Variants in SYNPR observed in about 807,000 individuals in gnomAD.
The protein encoded by SYNPR is synaptoporin.
A neutral mutation model predicts 32.9 loss-of-function variants in SYNPR; 23 were observed. The observed-to-expected ratio is 0.70, with a 90% CI of 0.50 to 0.99. The LOEUF is 0.99. Ranked by LOEUF, SYNPR falls within the 50% of genes least tolerant of loss-of-function variation. The pLI is 0.00. For synonymous variants in SYNPR, 146 were observed against 135.9 expected, an observed-to-expected ratio of 1.07 and a Z score of -0.52; for missense variants, 318 against 349.3, an observed-to-expected ratio of 0.91 and a Z score of 0.71.
At chr3:63,569,828 T>A (rs557135331) in intron 4 of SYNPR, among the ~76,000 whole-genome samples, 5 of 152,290 alleles carry the variant, frequency 3.3e-5, no homozygotes, top group African/African-American at 1.2e-4. Flanking sequence ...TTTAGCATAA[T>A]GGAATTCTTT....
chr3:63,464,465 T>G (rs1212074766), intron 2 of SYNPR, among the ~76,000 whole-genome samples: 1 of 152,160 alleles, frequency 6.6e-6, no homozygotes, highest in Non-Finnish European at 1.5e-5. Context: ...GGTATTCCAC[T>G]TTTTTTCTAC....
chr3:63,371,533 T>G (rs2087812025), intron 2 of SYNPR, among the ~76,000 whole-genome samples: 1 of 152,246 alleles, frequency 6.6e-6, no homozygotes, highest in African/African-American at 2.4e-5. Flanking sequence ...CTGACTTCCC[T>G]GGGACGGAGC....
At chr3:63,224,433 A>G (rs1281254996), upstream of SYNPR, among the ~76,000 whole-genome samples, 2 of 152,232 alleles carry the variant, frequency 1.3e-5, no homozygotes, top group Admixed American at 6.5e-5. Context: ...GACCACTGTG[A>G]TAGAAGACAT....
At chr3:63,419,879 T>A (rs2088585238) in intron 2 of SYNPR, among the ~76,000 whole-genome samples, 1 of 152,230 alleles carries the variant, frequency 6.6e-6, no homozygotes, top group Admixed American at 6.5e-5. Context: ...AGTTCTATAT[T>A]CATTTTCTTT....
At chr3:63,508,879 T>C (rs962719104) in intron 3 of SYNPR, among the ~76,000 whole-genome samples, 13 of 152,262 alleles carry the variant, frequency 8.5e-5, no homozygotes, top group African/African-American at 2.9e-4. Flanking sequence ...AAATATTCAT[T>C]CACTAAGTTT....
At chr3:63,401,327 G>A (rs552837145) in intron 2 of SYNPR, among the ~76,000 whole-genome samples, 25 of 152,294 alleles carry the variant, frequency 1.6e-4, no homozygotes, top group African/African-American at 6.0e-4. Context: ...AATGCTTGAT[G>A]AGAGCCATTT....
intron 4 of SYNPR, among the ~76,000 whole-genome samples, chr3:63,602,634 T>G (rs114085007): frequency 0.021 from 3,141 of 152,284 alleles, 119 homozygotes; most frequent in African/African-American, 0.072. Context: ...TTTCACAATT[T>G]TGTCAAAGAT....
intron 4 of SYNPR, among the ~76,000 whole-genome samples, chr3:63,568,063 T>G (rs1702822856): frequency 6.6e-6 from 1 of 152,016 alleles, no homozygotes; most frequent in African/African-American, 2.4e-5. Flanking sequence ...CTGAAAAAAG[T>G]GAAATTATTA....
At chr3:63,256,660 A>G (rs2086386820) in intron 2 of SYNPR, among the ~76,000 whole-genome samples, 1 of 152,158 alleles carries the variant, frequency 6.6e-6, no homozygotes, top group Non-Finnish European at 1.5e-5. Context: ...AAATCAGAGC[A>G]CCTCTCCTTC....
At chr3:63,584,947 T>A (rs531466832) in intron 4 of SYNPR, among the ~76,000 whole-genome samples, 1 of 152,242 alleles carries the variant, frequency 6.6e-6, no homozygotes, top group East Asian at 1.9e-4. Context: ...TCTTCCAGAC[T>A]TACTGAATTA....
chr3:63,451,145 TGAA>T (rs1700374176), intron 2 of SYNPR, among the ~76,000 whole-genome samples: 1 of 152,196 alleles, frequency 6.6e-6, no homozygotes, highest in South Asian at 2.1e-4. Context: ...CCCAGAGTTA[TGAA>T]GAAGATTGCT....
At chr3:63,379,502 GT>G (rs1560210646) in intron 2 of SYNPR, among the ~76,000 whole-genome samples, 2 of 151,990 alleles carry the variant, frequency 1.3e-5, no homozygotes, top group African/African-American at 2.4e-5. Flanking sequence ...TTGTAGCTCT[GT>G]TTTTTGGTAT....
chr3:63,264,854 T>TA (rs1409543895), intron 2 of SYNPR, among the ~76,000 whole-genome samples: 2 of 152,036 alleles, frequency 1.3e-5, no homozygotes, highest in Non-Finnish European at 2.9e-5. Flanking sequence ...CAGACGCTTA[T>TA]AAAACCGTCA....
intron 2 of SYNPR, chr3:63,445,563 G>A: frequency 1.4e-6 from 1 of 700,950 alleles, no homozygotes; most frequent in Non-Finnish European, 2.6e-6. Context: ...GAATGCAAGA[G>A]TCATTTCCAT....
chr3:63,318,539 G>A (rs1408491038), intron 2 of SYNPR, among the ~76,000 whole-genome samples: 1 of 151,876 alleles, frequency 6.6e-6, no homozygotes, highest in Non-Finnish European at 1.5e-5. Flanking sequence ...TGTTTGTTCA[G>A]TTCTATTGCT....
chr3:63,585,456 C>CA (rs1553649474), intron 4 of SYNPR, among the ~76,000 whole-genome samples: 83 of 104,730 alleles, frequency 7.9e-4, no homozygotes, highest in African/African-American at 2.3e-3. Flanking sequence ...CATGCCCCCC[C>CA]CCTCCGCCCC....
At chr3:63,483,676 C>T (rs1048063705) in intron 3 of SYNPR, among the ~76,000 whole-genome samples, 2 of 152,076 alleles carry the variant, frequency 1.3e-5, no homozygotes, top group African/African-American at 2.4e-5. Flanking sequence ...TAAGACACAG[C>T]TTCTGGAGAG....
chr3:63,304,423 C>G (rs1372112919), intron 2 of SYNPR, among the ~76,000 whole-genome samples: 14 of 151,332 alleles, frequency 9.3e-5, no homozygotes, highest in Non-Finnish European at 1.6e-4. Context: ...TGTATTTTTC[C>G]TCTTTTAACA....
intron 2 of SYNPR, among the ~76,000 whole-genome samples, chr3:63,373,813 G>A (rs2087849723): frequency 6.6e-6 from 1 of 152,116 alleles, no homozygotes; most frequent in Non-Finnish European, 1.5e-5. Flanking sequence ...AAAAAAAAAT[G>A]TTAAAGGCAG....
Sources: allele counts gnomAD v4.1 joint callset (sites outside exome capture counted in the v4.1 genomes callset), GRCh38; gene constraint gnomAD v4.1.1; transcripts MANE v1.5; gene names NCBI Gene and HGNC (gene_info 2026-07-23, HGNC 2026-07-21).